Variants in SLC35D4 observed in about 807,000 individuals in gnomAD.
The protein encoded by SLC35D4 is UDP-N-acetylglucosamine transporter SLC35D4.
At chr18:23,427,106 G>A in the SLC35D4 span, among the ~76,000 whole-genome samples, 1 of 152,098 alleles carries the variant, frequency 6.6e-6, no homozygotes, top group African/African-American at 2.4e-5. Flanking sequence ...ACATAGGCAT[G>A]GGCAAGGACT....
the SLC35D4 span, among the ~76,000 whole-genome samples, chr18:23,264,560 A>G: frequency 6.6e-5 from 10 of 151,964 alleles, no homozygotes; most frequent in East Asian, 1.9e-3. Context: ...ACAGGGTTTC[A>G]CTATGTTGGT....
the SLC35D4 span, among the ~76,000 whole-genome samples, chr18:23,240,349 C>A: frequency 4.3e-4 from 65 of 152,206 alleles, no homozygotes; most frequent in African/African-American, 1.5e-3. Context: ...GAAGTCGTTG[C>A]CCTTCCCCCT....
At chr18:23,364,914 AAAAAAAAAAAAAAAAAAAAG>A in the SLC35D4 span, among the ~76,000 whole-genome samples, 1 of 1,846 alleles carries the variant, frequency 5.4e-4, no homozygotes, top group Admixed American at 0.012. Flanking sequence ...AAAAAAAAAA[AAAAAAAAAAAAAAAAAAAAG>A]GACTCCTTTC....
the SLC35D4 span, among the ~76,000 whole-genome samples, chr18:23,393,913 C>G: frequency 1.3e-5 from 2 of 152,186 alleles, no homozygotes; most frequent in African/African-American, 2.4e-5. Context: ...GACACTGTGC[C>G]CAGCCCCATT....
the SLC35D4 span, among the ~76,000 whole-genome samples, chr18:23,388,793 G>A: frequency 6.6e-6 from 1 of 152,092 alleles, no homozygotes. Context: ...CATAAGATCT[G>A]GTTGTTTAAA....
At chr18:23,285,994 G>A in the SLC35D4 span, among the ~76,000 whole-genome samples, 3 of 152,016 alleles carry the variant, frequency 2.0e-5, no homozygotes, top group Non-Finnish European at 2.9e-5. Context: ...ACCCTGAGAC[G>A]CTTTACAGCC....
the SLC35D4 span, chr18:23,437,818 A>G: frequency 3.1e-6 from 5 of 1,612,770 alleles, no homozygotes; most frequent in Non-Finnish European, 4.2e-6. Flanking sequence ...GCAGGTACAA[A>G]AGGTGAGGCC....
chr18:23,262,454 G>C, the SLC35D4 span, among the ~76,000 whole-genome samples: 3 of 152,232 alleles, frequency 2.0e-5, no homozygotes, highest in African/African-American at 7.2e-5. Context: ...GGACTGTAGA[G>C]CTGTGACCTT....
At chr18:23,407,473 T>C in the SLC35D4 span, among the ~76,000 whole-genome samples, 10 of 151,980 alleles carry the variant, frequency 6.6e-5, no homozygotes, top group Non-Finnish European at 1.5e-4. Context: ...GATTTTAGTA[T>C]CCTTAATGTA....
At chr18:23,258,178 TC>T in the SLC35D4 span, 1 of 152,480 alleles carries the variant, frequency 6.6e-6, no homozygotes, top group Non-Finnish European at 1.5e-5. Flanking sequence ...CTCTGTAACT[TC>T]CTGCCGTCTG....
At chr18:23,332,351 A>T in the SLC35D4 span, among the ~76,000 whole-genome samples, 23 of 152,308 alleles carry the variant, frequency 1.5e-4, no homozygotes, top group Non-Finnish European at 3.4e-4. Flanking sequence ...ACTGAACATA[A>T]CTTGTGAACA....
the SLC35D4 span, among the ~76,000 whole-genome samples, chr18:23,273,948 T>C: frequency 6.6e-6 from 1 of 152,328 alleles, no homozygotes; most frequent in African/African-American, 2.4e-5. Flanking sequence ...TTTTATTTTT[T>C]TTGCGACGAG....
the SLC35D4 span, among the ~76,000 whole-genome samples, chr18:23,329,367 AC>A: frequency 6.6e-6 from 1 of 152,242 alleles, no homozygotes; most frequent in South Asian, 2.1e-4. Context: ...CAAGAAAAAA[AC>A]AAACCACCCC....
chr18:23,316,801 T>C, the SLC35D4 span, among the ~76,000 whole-genome samples: 1 of 152,092 alleles, frequency 6.6e-6, no homozygotes, highest in Non-Finnish European at 1.5e-5. Flanking sequence ...GAGTATCTAG[T>C]TCATGAAAGA....
the SLC35D4 span, among the ~76,000 whole-genome samples, chr18:23,353,076 A>AGTGTGTGTGT: frequency 0.06 from 7,533 of 126,446 alleles, 412 homozygotes; most frequent in Non-Finnish European, 0.067. Context: ...TGAGACAGAC[A>AGTGTGTGTGT]GTGTGTGTGT....
the SLC35D4 span, among the ~76,000 whole-genome samples, chr18:23,290,672 G>A: frequency 6.7e-6 from 1 of 148,944 alleles, no homozygotes; most frequent in East Asian, 2.0e-4. Context: ...TGTCGCCCAC[G>A]CTGGAGTGCA....
chr18:23,256,632 C>T, the SLC35D4 span, among the ~76,000 whole-genome samples: 118 of 152,176 alleles, frequency 7.8e-4, no homozygotes, highest in African/African-American at 2.7e-3. Context: ...AGGCGCCCAC[C>T]GCCACGCCCG....
chr18:23,304,707 G>A, the SLC35D4 span, among the ~76,000 whole-genome samples: 18 of 152,034 alleles, frequency 1.2e-4, no homozygotes, highest in Non-Finnish European at 1.6e-4. Context: ...AGAGGAAGAG[G>A]GGGGAGGAAG....
the SLC35D4 span, among the ~76,000 whole-genome samples, chr18:23,352,683 GA>G: frequency 6.6e-6 from 1 of 152,062 alleles, no homozygotes; most frequent in Non-Finnish European, 1.5e-5. Flanking sequence ...CTTCCAAAGG[GA>G]AACTCACCAT....
Sources: gnomAD v4.1 joint callset for allele counts (sites outside exome capture counted in the v4.1 genomes callset) on GRCh38, gnomAD v4.1.1 for gene constraint, MANE v1.5 for transcripts, NCBI Gene and HGNC (gene_info 2026-07-23, HGNC 2026-07-21) for gene names.